Variants in SESTD1 observed in about 807,000 individuals in gnomAD.
SESTD1 encodes SEC14 domain and spectrin repeat-containing protein 1.
Under a neutral mutation model 101.7 loss-of-function variants are expected in SESTD1, and 43 were observed. The observed-to-expected ratio is 0.42, with a 90% confidence interval of 0.33 to 0.55. The LOEUF is 0.55. SESTD1 is among the 20% of genes least tolerant of loss of function. The pLI is 0.07. For synonymous variants in SESTD1, 283 were observed against 286.8 expected, an observed-to-expected ratio of 0.99 and a Z score of 0.13; for missense variants, 647 against 815.1, an observed-to-expected ratio of 0.79 and a Z score of 2.51.
At chr2:179,244,967 A>G (rs1197180868) in intron 1 of SESTD1, among the ~76,000 whole-genome samples, 1 of 152,236 alleles carries the variant, frequency 6.6e-6, no homozygotes, top group African/African-American at 2.4e-5. Context: ...AGACTGTAAT[A>G]AATTATGTAT....
intron 1 of SESTD1, among the ~76,000 whole-genome samples, chr2:179,225,326 A>T (rs4894084): frequency 1 from 152,277 of 152,280 alleles, 76,137 homozygotes; most frequent in Middle Eastern, 1. Flanking sequence ...TAAGTTATAT[A>T]AATTCTCATG....
intron 16 of SESTD1, among the ~76,000 whole-genome samples, chr2:179,114,731 C>G (rs768982917): frequency 1.3e-5 from 2 of 151,972 alleles, no homozygotes; most frequent in Non-Finnish European, 2.9e-5. Flanking sequence ...GTTTCCCTTC[C>G]AGGCATAACG....
intron 1 of SESTD1, among the ~76,000 whole-genome samples, chr2:179,256,068 T>C (rs2047388788): frequency 1.3e-5 from 2 of 152,012 alleles, no homozygotes; most frequent in African/African-American, 4.8e-5. Flanking sequence ...TCATTGGCAA[T>C]GCACCTGGTC....
chr2:179,250,031 T>A (rs890209113), intron 1 of SESTD1, among the ~76,000 whole-genome samples: 1 of 152,050 alleles, frequency 6.6e-6, no homozygotes, highest in African/African-American at 2.4e-5. Flanking sequence ...TGAAATTTCA[T>A]CAAAATTAAA....
At chr2:179,174,335 C>T (rs1218406961) in intron 4 of SESTD1, 7 of 405,886 alleles carry the variant, frequency 1.7e-5, no homozygotes, top group Non-Finnish European at 3.0e-5. Flanking sequence ...TTAATAAATC[C>T]AAAAGCTGTT....
chr2:179,224,706 A>G (rs1215489190), intron 1 of SESTD1, among the ~76,000 whole-genome samples: 1 of 152,144 alleles, frequency 6.6e-6, no homozygotes, highest in Non-Finnish European at 1.5e-5. Context: ...GATGTAATCA[A>G]TCATGCTTAT....
At position 179,172,204 on chromosome 2, in the gene SESTD1, A is replaced by G. The variant is rs1483897976; in HGVS notation, c.285T>C (p.Val95=). ...QNVVPAEVSL[V]CVVKPDEFWD... The stretch of plus-strand genomic sequence containing the variant: ...AGAATTCATCTGGCTTTACCACACA[A>G]ACAAGGGACACCTCAGCTGGAACAA... The change falls in exon 5 of 18, where the codon GTT becomes GTC. Residue 95 remains valine (V), a synonymous_variant. Coordinates refer to ENST00000428443, the MANE Select transcript of SESTD1 (RefSeq NM_178123.5). 3.7e-6 allele frequency: 6 copies of G among 1,608,308 alleles called. No individual in the cohort carries two copies. The highest frequency in any genetic ancestry group is 1.1e-5 in the South Asian group (1 of 90,060).
At chr2:179,156,028 T>C (rs1220613981) in intron 5 of SESTD1, among the ~76,000 whole-genome samples, 6 of 152,178 alleles carry the variant, frequency 3.9e-5, no homozygotes, top group South Asian at 2.1e-4. Flanking sequence ...CTTAGAATAA[T>C]AGTCTCCAAT....
intron 1 of SESTD1, among the ~76,000 whole-genome samples, chr2:179,239,021 T>C (rs1196418223): frequency 6.6e-6 from 1 of 152,186 alleles, no homozygotes; most frequent in Non-Finnish European, 1.5e-5. Flanking sequence ...CATTTATTAA[T>C]CACGACTAAT....
intron 1 of SESTD1, among the ~76,000 whole-genome samples, chr2:179,223,974 C>T (rs1574047846): frequency 6.6e-6 from 1 of 152,210 alleles, no homozygotes; most frequent in East Asian, 1.9e-4. Context: ...TAAATTTATT[C>T]CTTTCAATGC....
At chr2:179,131,059 T>A (rs575907237) in intron 10 of SESTD1, among the ~76,000 whole-genome samples, 1 of 148,302 alleles carries the variant, frequency 6.7e-6, no homozygotes, top group African/African-American at 2.6e-5. Flanking sequence ...ATTAGAAAAA[T>A]TGCAAGGAAT....
chr2:179,229,796 C>CACAG (rs1361700746), intron 1 of SESTD1, among the ~76,000 whole-genome samples: 1 of 131,866 alleles, frequency 7.6e-6, no homozygotes, highest in African/African-American at 2.7e-5. Flanking sequence ...CACACACACA[C>CACAG]ACACACACAC....
intron 1 of SESTD1, among the ~76,000 whole-genome samples, chr2:179,260,031 T>A (rs1267546703): frequency 6.6e-6 from 1 of 152,234 alleles, no homozygotes; most frequent in African/African-American, 2.4e-5. Context: ...AGCTCCACCA[T>A]CCTATCTACT....
chr2:179,238,703 C>G (rs867367501), intron 1 of SESTD1, among the ~76,000 whole-genome samples: 1 of 151,888 alleles, frequency 6.6e-6, no homozygotes, highest in Non-Finnish European at 1.5e-5. Flanking sequence ...TATAATAAAC[C>G]AAATTGAGTA....
At position 179,109,676 on chromosome 2, in the gene SESTD1, TAGTTCCTTCTTTTA is replaced by T. The variant is rs1241405298; in HGVS notation, c.*209_*222del. 3.7e-6 allele frequency: 2 copies of T among 540,566 alleles called. No individual in the cohort carries two copies. Among genetic ancestry groups the T allele is most frequent in the Non-Finnish European group, 6.3e-6 (2 of 315,422 alleles). 33.5% of individuals were successfully genotyped at this position (540,566 alleles called of 1,614,324 possible). On this transcript the variant is annotated 3_prime_UTR_variant, in exon 18 of 18. Coordinates refer to ENST00000428443, the MANE Select transcript of SESTD1 (RefSeq NM_178123.5). The stretch of plus-strand genomic sequence containing the variant: ...AAGCAAGTTTTCAGTGCAATGTTTA[TAGTTCCTTCTTTTA>T]AGATACTTGGAATCTACAGCCTCGA...
Position 179,107,575 on chromosome 2 carries a change from A to G in SESTD1, c.*2324T>C, listed in dbSNP as rs763889162. 6.6e-6 allele frequency: 1 copy of G among 152,194 alleles called. No homozygotes were observed. The highest frequency in any genetic ancestry group is 2.4e-5 in the African/African-American group (1 of 41,456). 9.4% of individuals were successfully genotyped at this position (152,194 alleles called of 1,614,324 possible). A position where few individuals can be genotyped will look rare whatever the true frequency, so the allele number is the denominator to read the frequency against. On this transcript the variant is annotated 3_prime_UTR_variant, in exon 18 of 18. Transcript: ENST00000428443. Reference sequence around the variant, plus strand: ...ATATTTAGTTATTGAGTATAACTAAATATCTAAAGTAGTTAGTATCTAAGA... The same window carrying G: ...ATATTTAGTTATTGAGTATAACTAAGTATCTAAAGTAGTTAGTATCTAAGA...
rs1488761787 is a variant in SESTD1, at chr2:179,222,857, G to C, written c.-25-30991C>G. The stretch of plus-strand genomic sequence containing the variant: ...CTAGGCTCCTGCAACTCTGTCCAGT[G>C]CTTCTCTCCACTATATTACATTGTC... On this transcript the variant is annotated intron_variant, in intron 1 of 17. Coordinates refer to ENST00000428443, the MANE Select transcript of SESTD1 (RefSeq NM_178123.5). Among the ~76,000 whole-genome samples, 3 of 152,122 alleles carry C rather than the reference G, an allele frequency of 2.0e-5. No individual in the cohort carries two copies. The East Asian group carries it at 5.8e-4, about 29-fold the overall frequency.
At chr2:179,249,352 T>C (rs1364673639) in intron 1 of SESTD1, among the ~76,000 whole-genome samples, 1 of 152,078 alleles carries the variant, frequency 6.6e-6, no homozygotes, top group East Asian at 1.9e-4. Flanking sequence ...TAAAACCCTA[T>C]TGTATTTCTA....
chr2:179,143,543 A>C (rs745756992), intron 9 of SESTD1, 49 bp downstream of exon 9: 2 of 1,533,686 alleles, frequency 1.3e-6, no homozygotes, highest in East Asian at 2.3e-5. Context: ...ACATAGTAGA[A>C]ATTATAAGGA....
Sources: allele counts gnomAD v4.1 joint callset (sites outside exome capture counted in the v4.1 genomes callset), GRCh38; gene constraint gnomAD v4.1.1; transcripts MANE v1.5; gene names NCBI Gene and HGNC (gene_info 2026-07-23, HGNC 2026-07-21).